Variants in MYO5A observed in about 807,000 individuals in gnomAD.
The protein encoded by MYO5A is myosin VA, also known as unconventional myosin-Va.
A neutral mutation model predicts 249.7 loss-of-function variants in MYO5A; 98 were observed. The observed-to-expected ratio is 0.39, with a 90% CI of 0.33 to 0.46. The LOEUF is 0.46. Among genes scored for constraint, MYO5A ranks in the 20% least tolerant of loss-of-function variants. The pLI is 0.98. For missense variants in MYO5A, 1,696 were observed against 2,308.8 expected (o/e 0.73, Z 5.44); for synonymous variants, 778 against 810.6 (o/e 0.96, Z 0.68).
chr15:52,528,706 C>T (rs905704892), intron 1 of MYO5A, 74 bp downstream of exon 1: 15 of 1,456,808 alleles, frequency 1.0e-5, no homozygotes, highest in African/African-American at 1.5e-5. Context: ...CGCTCCCGCC[C>T]CCTCCCCAGC....
chr15:52,519,872 A>G (rs2077579741), intron 1 of MYO5A, among the ~76,000 whole-genome samples: 1 of 151,938 alleles, frequency 6.6e-6, no homozygotes, highest in Admixed American at 6.6e-5. Context: ...CTGGGATTAC[A>G]GGCACACGCC....
At chr15:52,494,618 G>A (rs182380243) in intron 1 of MYO5A, among the ~76,000 whole-genome samples, 41 of 152,042 alleles carry the variant, frequency 2.7e-4, no homozygotes, top group Admixed American at 1.1e-3. Context: ...TCAGCCTCCC[G>A]AGTAGCTGGG....
chr15:52,423,003 G>T (rs148975239), intron 4 of MYO5A, among the ~76,000 whole-genome samples: 1 of 152,120 alleles, frequency 6.6e-6, no homozygotes, highest in East Asian at 1.9e-4. Flanking sequence ...GCCTACAGAC[G>T]TGCGCCACCA....
chr15:52,466,538 T>A (rs1832570356), intron 1 of MYO5A, among the ~76,000 whole-genome samples: 1 of 152,136 alleles, frequency 6.6e-6, no homozygotes, highest in Non-Finnish European at 1.5e-5. Context: ...TTGCCAAGAC[T>A]GGGGTGTAAG....
chr15:52,387,615 T>A (rs2042023504), intron 14 of MYO5A: 1 of 512,602 alleles, frequency 2.0e-6, no homozygotes. Flanking sequence ...AGGTGCCTCA[T>A]CCATAAAATA....
intron 20 of MYO5A, among the ~76,000 whole-genome samples, chr15:52,372,989 C>T (rs979011483): frequency 2.6e-5 from 4 of 151,500 alleles, no homozygotes; most frequent in Non-Finnish European, 5.9e-5. Context: ...AAAGATGACA[C>T]TCTTGTTTAC....
intron 25 of MYO5A, among the ~76,000 whole-genome samples, chr15:52,359,380 C>T (rs2040408563): frequency 6.6e-6 from 1 of 152,146 alleles, no homozygotes; most frequent in African/African-American, 2.4e-5. Flanking sequence ...CTTGGAGTTA[C>T]AGTAATACAT....
rs939713699 is a variant in MYO5A at position 52,307,389 on chromosome 15, G to A, written c.*6307C>T. On this transcript the variant is annotated 3_prime_UTR_variant, in exon 42 of 42. Coordinates refer to ENST00000399233, the MANE Select transcript of MYO5A (RefSeq NM_001382347.1). ...AACAATGGACAACTACAAATTTAGA[G>A]CATAAATGTAATTCTGATATTGTTT... The A allele has an allele frequency of 1.3e-5, 2 of 152,126 alleles. No individual in the cohort carries two copies. The highest frequency in any genetic ancestry group is 2.9e-5 in the Non-Finnish European group (2 of 68,004). The allele number at this position is 152,126 out of a possible 1,614,324, so 9.4% of individuals were successfully genotyped here.
chr15:52,330,431 T>G lies in MYO5A; in HGVS notation c.4477A>C (p.Arg1493=). The G allele has an allele frequency of 6.2e-7, 1 of 1,614,138 alleles. No individual in the cohort carries two copies. The highest frequency in any genetic ancestry group is 8.5e-7 in the Non-Finnish European group (1 of 1,180,000). The change falls in exon 35 of 42, where the codon AGG becomes CGG. Residue 1493 remains arginine (R), a synonymous_variant. Transcript: ENST00000399233. Reference sequence around the variant, plus strand: ...ATCCCTTGGAAATCCTTTTCTTTCCTGGGAATGTTGACTGGTCGGATGGGT... The same window carrying G: ...ATCCCTTGGAAATCCTTTTCTTTCCGGGGAATGTTGACTGGTCGGATGGGT... ...DEPIRPVNIP[R]KEKDFQGMLE...
At chr15:52,360,470 T>C (rs1192185323) in intron 24 of MYO5A, among the ~76,000 whole-genome samples, 4 of 152,164 alleles carry the variant, frequency 2.6e-5, no homozygotes, top group African/African-American at 4.8e-5. Flanking sequence ...AAAAACCTCA[T>C]AAAATATATT....
rs2414152 is a variant in MYO5A at position 52,448,646 on chromosome 15, C to G, written c.28-15361G>C. ...CATGCCAAATTGTGATCCCCAGTGT[C>G]GAAGATGGGTCCTGGTGGGAGGTGA... On this transcript the variant is annotated intron_variant, in intron 1 of 41. Transcript: ENST00000399233. Among the ~76,000 whole-genome samples, 3 of 152,088 alleles carry G rather than the reference C, an allele frequency of 2.0e-5. No homozygotes were observed. The South Asian group carries it at 6.2e-4, about 32-fold the overall frequency.
intron 5 of MYO5A, 101 bp downstream of exon 5, chr15:52,416,043 TG>T: frequency 7.4e-7 from 1 of 1,360,308 alleles, no homozygotes; most frequent in African/African-American, 1.4e-5. Flanking sequence ...TTTTAGTGGC[TG>T]GAGACCCCAG....
chr15:52,486,840 C>T (rs1159843282), intron 1 of MYO5A, among the ~76,000 whole-genome samples: 4 of 152,166 alleles, frequency 2.6e-5, no homozygotes, highest in African/African-American at 9.7e-5. Flanking sequence ...CAAAGGCTTA[C>T]AACTGAGGCT....
At chr15:52,337,016 A>G (rs905107435) in intron 33 of MYO5A, among the ~76,000 whole-genome samples, 16 of 152,218 alleles carry the variant, frequency 1.1e-4, no homozygotes, top group African/African-American at 3.9e-4. Flanking sequence ...ACCCTATGAA[A>G]TTCTAAAATT....
intron 16 of MYO5A, among the ~76,000 whole-genome samples, chr15:52,382,278 T>G (rs937860907): frequency 3.3e-5 from 5 of 152,206 alleles, no homozygotes; most frequent in African/African-American, 1.2e-4. Flanking sequence ...ATGTATTACT[T>G]TTAAAATTAG....
intron 23 of MYO5A, 62 bp from the exon 24 acceptor site, chr15:52,364,764 C>T (rs2040729266): frequency 1.3e-6 from 2 of 1,574,776 alleles, no homozygotes; most frequent in Admixed American, 3.3e-5. Flanking sequence ...ATTGTGTAAA[C>T]ATGTATACTG....
At chr15:52,490,965 C>T (rs2076923668) in intron 1 of MYO5A, among the ~76,000 whole-genome samples, 1 of 152,114 alleles carries the variant, frequency 6.6e-6, no homozygotes, top group African/African-American at 2.4e-5. Flanking sequence ...AAGGGATCCT[C>T]CTGCCCCAGC....
chr15:52,358,678 C>G (rs1282136450), intron 25 of MYO5A, among the ~76,000 whole-genome samples: 1 of 152,102 alleles, frequency 6.6e-6, no homozygotes, highest in African/African-American at 2.4e-5. Flanking sequence ...GGAAGAGAAG[C>G]AAGCACTCTA....
intron 8 of MYO5A, among the ~76,000 whole-genome samples, chr15:52,406,550 T>C (rs537208451): frequency 1.1e-4 from 16 of 152,220 alleles, no homozygotes; most frequent in Non-Finnish European, 2.2e-4. Flanking sequence ...TGGTCCACAC[T>C]GTAATTAGCA....
Sources: gnomAD v4.1 joint callset for allele counts (sites outside exome capture counted in the v4.1 genomes callset) on GRCh38, gnomAD v4.1.1 for gene constraint, MANE v1.5 for transcripts, NCBI Gene and HGNC (gene_info 2026-07-23, HGNC 2026-07-21) for gene names.